The following WNT11 variants were observed in gnomAD, a reference collection of about 807,000 sequenced individuals.
WNT11 encodes Wnt family member 11, also known as protein Wnt-11.
In WNT11, 20 loss-of-function variants were observed where a neutral mutation model predicts 35.6. The observed-to-expected ratio is 0.56, with a 90% CI of 0.40 to 0.82. The LOEUF (loss-of-function observed/expected upper bound fraction) is 0.82. Among genes scored for constraint, WNT11 ranks in the 40% least tolerant of loss-of-function variants. The probability of loss-of-function intolerance (pLI) is 0.00; values close to 1 mark genes in which losing one functional copy is unlikely to be tolerated. For missense variants in WNT11, 459 were observed against 504.4 expected, an observed-to-expected ratio of 0.91 and a Z score of 0.86; for synonymous variants, 200 against 211.9, an observed-to-expected ratio of 0.94 and a Z score of 0.49.
intron 1 of WNT11, among the ~76,000 whole-genome samples, chr11:76,203,697 G>A (rs190508843): frequency 9.2e-5 from 14 of 152,340 alleles, no homozygotes; most frequent in South Asian, 2.1e-4. Flanking sequence ...CTCAGCCTGC[G>A]TCCCAGGCAC....
chr11:76,194,816 C>T lies in WNT11; in HGVS notation c.348G>A (p.Ala116=), dbSNP rs534816573. ...RGTRESAFVY[A]LSAAAISHAI... is the part of the protein sequence containing the mutation. ...CGTGGCTGATGGCGGCGGCCGACAG[C>T]GCATACACGAAGGCCGACTCCCGGG... Residue 116 remains alanine (A), a synonymous_variant, in exon 3 of 5, where the codon GCG becomes GCA. Transcript: ENST00000322563. This position sits in a 1 kb window ranked among gnomAD's most constrained non-coding sequence, Gnocchi z 5.4. The T allele has an allele frequency of 1.5e-5, 23 of 1,537,720 alleles. No individual in the cohort carries two copies. In the South Asian group the frequency reaches 2.4e-4, roughly 16 times the overall value.
At chr11:76,200,921 C>T (rs1012407796) in intron 1 of WNT11, among the ~76,000 whole-genome samples, 2 of 152,262 alleles carry the variant, frequency 1.3e-5, no homozygotes, top group African/African-American at 2.4e-5. Flanking sequence ...CCCTGGGCTC[C>T]GGCTCAAGCC....
chr11:76,190,629 C>T (rs1953168796), intron 4 of WNT11: 1 of 152,176 alleles, frequency 6.6e-6, no homozygotes, highest in Non-Finnish European at 1.5e-5. Flanking sequence ...TTCTTTTAAC[C>T]CCGAGAACAC....
At chr11:76,190,168 C>T (rs370885505) in intron 4 of WNT11, among the ~76,000 whole-genome samples, 8 of 152,068 alleles carry the variant, frequency 5.3e-5, no homozygotes, top group South Asian at 2.1e-4. Flanking sequence ...GTGCGGAAGA[C>T]GAGGCTGAGC....
At chr11:76,202,287 G>A (rs1953391641) in intron 1 of WNT11, among the ~76,000 whole-genome samples, 1 of 152,192 alleles carries the variant, frequency 6.6e-6, no homozygotes, top group Non-Finnish European at 1.5e-5. Context: ...GGATGAGGAG[G>A]ATGCTGATGA....
At chr11:76,204,039 C>T (rs1227300573) in intron 1 of WNT11, among the ~76,000 whole-genome samples, 1 of 152,230 alleles carries the variant, frequency 6.6e-6, no homozygotes, top group Non-Finnish European at 1.5e-5. Flanking sequence ...GCACCCACCT[C>T]ACAGGGTGGT....
At chr11:76,208,611 G>A (rs927122336), upstream of WNT11, among the ~76,000 whole-genome samples, 2 of 152,216 alleles carry the variant, frequency 1.3e-5, no homozygotes, top group African/African-American at 4.8e-5. Context: ...TGGGTGGGGA[G>A]GGGGCGGGGG....
intron 4 of WNT11, chr11:76,190,756 T>G (rs558064884): frequency 7.9e-5 from 12 of 152,342 alleles, no homozygotes; most frequent in African/African-American, 2.9e-4. Flanking sequence ...GCCTTTCATA[T>G]GTTCTAGTGC....
chr11:76,206,337 C>G lies in WNT11; in HGVS notation c.71G>C (p.Gly24Ala). 6.4e-7 allele frequency: 1 copy of G among 1,569,518 alleles called. No individual in the cohort carries two copies. Among genetic ancestry groups the G allele is most frequent in the South Asian group, 1.2e-5 (1 of 84,614 alleles). ...GGTCCCTACTCACAGCCACTTGATGCCATAGCACACGCCGGTCTGGAGCGC... is the reference window on the plus strand; with the variant it reads ...GGTCCCTACTCACAGCCACTTGATGGCATAGCACACGCCGGTCTGGAGCGC... ...ALALQTGVCY[G>A]IKWLALSKTP... is the part of the protein sequence containing the mutation. Residue 24 changes from glycine to alanine, a missense_variant, in exon 1 of 5, where the codon GGC (glycine) becomes GCC (alanine). Gly to Ala is a moderately conservative substitution (Grantham distance 60). Coordinates refer to ENST00000322563, the MANE Select transcript of WNT11 (RefSeq NM_004626.3).
rs1337669347 is a variant in WNT11 at position 76,194,788 on chromosome 11, T to A, written c.376A>T (p.Ile126Phe). 6.4e-7 allele frequency: 1 copy of A among 1,553,024 alleles called. No homozygotes were observed. ...ALSAAAISHA[I>F]ARACTSGDLP... Reference sequence around the variant, plus strand: ...TCGCCGGAGGTGCAGGCCCGGGCGATGGCGTGGCTGATGGCGGCGGCCGAC... The same window carrying A: ...TCGCCGGAGGTGCAGGCCCGGGCGAAGGCGTGGCTGATGGCGGCGGCCGAC... The change falls in exon 3 of 5, where the codon ATC (isoleucine) becomes TTC (phenylalanine). Residue 126 changes from isoleucine (I) to phenylalanine (F), a missense_variant. By Grantham distance (21) the Ile-to-Phe change is conservative. Coordinates refer to ENST00000322563, the MANE Select transcript of WNT11 (RefSeq NM_004626.3). This position sits in a 1 kb window ranked among gnomAD's most constrained non-coding sequence, Gnocchi z 5.4.
intron 3 of WNT11, 70 bp from the exon 4 acceptor site, chr11:76,191,926 C>T: frequency 6.6e-7 from 1 of 1,505,202 alleles, no homozygotes; most frequent in Non-Finnish European, 8.9e-7. Flanking sequence ...GACCCCAGCC[C>T]CACCCACCCA....
At chr11:76,203,974 C>T (rs1364737797) in intron 1 of WNT11, among the ~76,000 whole-genome samples, 1 of 152,202 alleles carries the variant, frequency 6.6e-6, no homozygotes, top group African/African-American at 2.4e-5. Flanking sequence ...TAGAGTCCCC[C>T]ATCTCTGTGT....
rs1044310283 is a variant in WNT11 at position 76,194,454 on chromosome 11, G to T, written c.597+113C>A. 140 of 1,269,508 alleles carry T rather than the reference G, an allele frequency of 1.1e-4. No individual in the cohort carries two copies. Among genetic ancestry groups the T allele is most frequent in the Non-Finnish European group, 1.3e-4 (121 of 932,588 alleles). The allele number at this position is 1,269,508 out of a possible 1,614,324, so 78.6% of individuals were successfully genotyped here. A position where few individuals can be genotyped will look rare whatever the true frequency, so the allele number is the denominator to read the frequency against. Reference sequence around the variant, plus strand: ...ATGGTGCGAGGCACATCAGGTGTGGGCCAGTCAGGGCCCGTCCCCCCGCAC... The same window carrying T: ...ATGGTGCGAGGCACATCAGGTGTGGTCCAGTCAGGGCCCGTCCCCCCGCAC... On this transcript the variant is annotated intron_variant, in intron 3 of 4. Coordinates refer to ENST00000322563, the MANE Select transcript of WNT11 (RefSeq NM_004626.3). This position sits in a 1 kb window ranked among gnomAD's most constrained non-coding sequence, Gnocchi z 5.4.
At chr11:76,198,857 C>T (rs759305399) in intron 1 of WNT11, among the ~76,000 whole-genome samples, 3 of 152,172 alleles carry the variant, frequency 2.0e-5, no homozygotes, top group Non-Finnish European at 4.4e-5. Context: ...TAAGGCCAGG[C>T]GCGGTGGCTT....
upstream of WNT11, among the ~76,000 whole-genome samples, chr11:76,207,379 CA>C (rs1196002378): frequency 6.6e-6 from 1 of 152,048 alleles, no homozygotes; most frequent in East Asian, 1.9e-4. Context: ...AACAGACAAA[CA>C]AAAAAAGTTC....
intron 3 of WNT11, among the ~76,000 whole-genome samples, chr11:76,193,950 T>G (rs867798809): frequency 6.6e-6 from 1 of 152,142 alleles, no homozygotes; most frequent in South Asian, 2.1e-4. Context: ...CAACACAGAT[T>G]GGTAGAAAGT....
intron 2 of WNT11, among the ~76,000 whole-genome samples, chr11:76,195,832 G>T (rs1358141918): frequency 1.3e-5 from 2 of 152,212 alleles, no homozygotes; most frequent in African/African-American, 4.8e-5. Context: ...AGTAAGAAAA[G>T]AATGTTTGTC....
intron 3 of WNT11, among the ~76,000 whole-genome samples, chr11:76,192,685 G>C (rs1174823006): frequency 6.6e-6 from 1 of 152,220 alleles, no homozygotes; most frequent in Non-Finnish European, 1.5e-5. Context: ...CAGAGGCTTG[G>C]GGAGACTCTT....
intron 1 of WNT11, 73 bp downstream of exon 1, chr11:76,206,252 C>G (rs1953470435): frequency 1.5e-6 from 2 of 1,315,764 alleles, no homozygotes; most frequent in Admixed American, 3.4e-5. Flanking sequence ...CTCGCCCCAT[C>G]CAGGGGACCC....
Sources: gnomAD v4.1 joint callset for allele counts (sites outside exome capture counted in the v4.1 genomes callset) on GRCh38, gnomAD v4.1.1 for gene constraint, Gnocchi (gnomAD v3.1) non-coding constraint, MANE v1.5 for transcripts, NCBI Gene and HGNC (gene_info 2026-07-23, HGNC 2026-07-21) for gene names.